IFTAP: variants seen among roughly 807,000 people sequenced by gnomAD.
The protein encoded by IFTAP is intraflagellar transport associated protein.
In IFTAP, 19 loss-of-function variants were observed where a neutral mutation model predicts 19.4. The observed-to-expected ratio is 0.98, with a 90% CI of 0.68 to 1.44. The LOEUF is 1.44. IFTAP is among the 40% of genes most tolerant of loss of function. The probability of loss-of-function intolerance (pLI) is 0.00; values close to 1 mark genes in which losing one functional copy is unlikely to be tolerated. For synonymous variants in IFTAP, 85 were observed against 83.5 expected, an observed-to-expected ratio of 1.02 and a Z score of -0.10; for missense variants, 240 against 253.6, an observed-to-expected ratio of 0.95 and a Z score of 0.36.
chr11:36,639,603 G>A lies in IFTAP; in HGVS notation c.358+3486G>A, dbSNP rs534460803. Among the ~76,000 whole-genome samples, 476 of 152,284 alleles carry A rather than the reference G, an allele frequency of 3.1e-3. 3 individuals are homozygous for A. The highest frequency in any genetic ancestry group is 0.011 in the African/African-American group (454 of 41,562). The stretch of plus-strand genomic sequence containing the variant: ...AACTGCATGACGAGAGAGGAACCGA[G>A]AGAGAGGGAAAGAGGTGCCAGGCTC... On this transcript the variant is annotated intron_variant, in intron 4 of 5. Coordinates refer to ENST00000334307, the MANE Select transcript of IFTAP (RefSeq NM_138787.4).
At chr11:36,644,233 C>G (rs200054684) in intron 4 of IFTAP, among the ~76,000 whole-genome samples, 1 of 148,552 alleles carries the variant, frequency 6.7e-6, no homozygotes. Flanking sequence ...ATGCAGCCAA[C>G]GGGCACATGA....
At chr11:36,618,925 A>G (rs1392946050) in intron 2 of IFTAP, among the ~76,000 whole-genome samples, 1 of 151,874 alleles carries the variant, frequency 6.6e-6, no homozygotes, top group Non-Finnish European at 1.5e-5. Flanking sequence ...GAGAAAATGG[A>G]AAGCAAAAGG....
chr11:36,629,260 T>C (rs752397444), intron 2 of IFTAP, among the ~76,000 whole-genome samples: 1 of 151,280 alleles, frequency 6.6e-6, no homozygotes, highest in Admixed American at 6.6e-5. Flanking sequence ...CCCAACCTTG[T>C]TATAAGCATG....
chr11:36,609,220 A>G (rs1288549754), intron 1 of IFTAP, among the ~76,000 whole-genome samples: 1 of 152,208 alleles, frequency 6.6e-6, no homozygotes, highest in Non-Finnish European at 1.5e-5. Flanking sequence ...AGACAAATGG[A>G]ATTCTGAGCT....
intron 2 of IFTAP, among the ~76,000 whole-genome samples, chr11:36,620,900 AATTT>A (rs1249367553): frequency 1.3e-5 from 2 of 151,784 alleles, no homozygotes; most frequent in African/African-American, 4.8e-5. Flanking sequence ...ACATCTTTTC[AATTT>A]ATTTATATTT....
intron 4 of IFTAP, among the ~76,000 whole-genome samples, chr11:36,641,384 T>G (rs1853189888): frequency 6.6e-6 from 1 of 152,208 alleles, no homozygotes. Flanking sequence ...ACATAACCCA[T>G]GTAAACAAAA....
chr11:36,595,276 A>G (rs1009026892), intron 1 of IFTAP: 1 of 152,210 alleles, frequency 6.6e-6, no homozygotes, highest in Non-Finnish European at 1.5e-5. Flanking sequence ...TTCTGTAGTA[A>G]GTAAGCAGGG....
intron 2 of IFTAP, among the ~76,000 whole-genome samples, chr11:36,621,424 C>T (rs528389984): frequency 6.6e-6 from 1 of 152,006 alleles, no homozygotes; most frequent in South Asian, 2.1e-4. Context: ...AATTTGGATT[C>T]GTTCCAGAGG....
At chr11:36,613,727 T>C (rs1018630002) in intron 2 of IFTAP, among the ~76,000 whole-genome samples, 15 of 152,014 alleles carry the variant, frequency 9.9e-5, no homozygotes, top group African/African-American at 3.6e-4. Flanking sequence ...CAGGAAAGTT[T>C]GACAGAAAAG....
chr11:36,620,335 T>C (rs1216309547), intron 2 of IFTAP, among the ~76,000 whole-genome samples: 1 of 152,016 alleles, frequency 6.6e-6, no homozygotes, highest in East Asian at 1.9e-4. Flanking sequence ...TAACCTGTTT[T>C]TTCTCTTTGG....
chr11:36,638,801 T>C (rs1010997472), intron 4 of IFTAP, among the ~76,000 whole-genome samples: 8 of 152,238 alleles, frequency 5.3e-5, no homozygotes, highest in African/African-American at 1.9e-4. Flanking sequence ...TTTTCTACCA[T>C]TGACTTTATT....
chr11:36,614,907 G>A (rs1206545654), intron 2 of IFTAP, among the ~76,000 whole-genome samples: 1 of 146,600 alleles, frequency 6.8e-6, no homozygotes, highest in Non-Finnish European at 1.5e-5. Flanking sequence ...TAGCTGTGCA[G>A]AAGCTCTTTA....
chr11:36,611,068 C>T (rs1851860016), intron 2 of IFTAP, among the ~76,000 whole-genome samples: 1 of 152,064 alleles, frequency 6.6e-6, no homozygotes, highest in Non-Finnish European at 1.5e-5. Context: ...TCAACTAGAG[C>T]TCAGGAGCCC....
chr11:36,648,820 T>A (rs1374079743), intron 5 of IFTAP, among the ~76,000 whole-genome samples: 1 of 152,152 alleles, frequency 6.6e-6, no homozygotes, highest in East Asian at 1.9e-4. Context: ...TCGGCTCACA[T>A]TCCATTGGTG....
chr11:36,600,627 A>G (rs1452364754), intron 1 of IFTAP, among the ~76,000 whole-genome samples: 1 of 152,222 alleles, frequency 6.6e-6, no homozygotes, highest in African/African-American at 2.4e-5. Flanking sequence ...TAAAGAACAT[A>G]TATGATAGTA....
chr11:36,654,591 C>T (rs1247741942), intron 5 of IFTAP, among the ~76,000 whole-genome samples: 3 of 152,136 alleles, frequency 2.0e-5, no homozygotes, highest in Non-Finnish European at 4.4e-5. Context: ...TCCCAGCCTA[C>T]ATACTTGAAT....
chr11:36,652,127 A>G (rs183623271), intron 5 of IFTAP, among the ~76,000 whole-genome samples: 22 of 152,320 alleles, frequency 1.4e-4, no homozygotes, highest in African/African-American at 4.3e-4. Flanking sequence ...CATTGAATCT[A>G]TAAGTTACCT....
At chr11:36,635,123 G>T (rs550226149) in intron 3 of IFTAP, among the ~76,000 whole-genome samples, 1 of 152,076 alleles carries the variant, frequency 6.6e-6, no homozygotes, top group Admixed American at 6.5e-5. Context: ...CTATGGTCTC[G>T]CAAGTAGAGC....
chr11:36,659,136 C>T lies in IFTAP; in HGVS notation c.616C>T (p.Gln206Ter). The T allele has an allele frequency of 8.7e-6, 14 of 1,606,526 alleles. No individual in the cohort carries two copies. The highest frequency in any genetic ancestry group is 1.2e-5 in the Non-Finnish European group (14 of 1,176,588). Residue 206 changes from glutamine to a stop codon, truncating the protein, a stop_gained, in exon 6 of 6, where the codon CAG (glutamine) becomes TAG (stop). Coordinates refer to ENST00000334307, the MANE Select transcript of IFTAP (RefSeq NM_138787.4). LOFTEE classifies it low-confidence loss of function (END_TRUNC). ...EIENIKELCKQQKRKDTSPDL... is the reference protein window; with the variant it reads ...EIENIKELCK ...AGAGAACATCAAAGAGCTATGCAAG[C>T]AGCAGAAGAGAAAGGACACCAGCCC...
Sources: gnomAD v4.1 joint callset for allele counts (sites outside exome capture counted in the v4.1 genomes callset) on GRCh38, gnomAD v4.1.1 for gene constraint, MANE v1.5 for transcripts, NCBI Gene and HGNC (gene_info 2026-07-23, HGNC 2026-07-21) for gene names.